The following SLC8A1 variants were observed in gnomAD, a reference collection of about 807,000 sequenced individuals.
SLC8A1 encodes the protein sodium/calcium exchanger 1.
SLC8A1 carries 18 observed loss-of-function variants against 68.3 expected under a neutral mutation model. The ratio of observed to expected loss-of-function variants is 0.26; its 90% CI spans 0.18 to 0.39. The LOEUF is 0.39. SLC8A1 is among the 10% of genes least tolerant of loss of function. The probability of loss-of-function intolerance (pLI) is 1.00; values close to 1 mark genes in which losing one functional copy is unlikely to be tolerated. For missense variants in SLC8A1, 985 were observed against 1,156.7 expected, an observed-to-expected ratio of 0.85 and a Z score of 2.15; for synonymous variants, 475 against 415.5, an observed-to-expected ratio of 1.14 and a Z score of -1.74.
chr2:40,489,855 A>G (rs1443474854), intron 1 of SLC8A1, among the ~76,000 whole-genome samples: 1 of 151,930 alleles, frequency 6.6e-6, no homozygotes, highest in African/African-American at 2.4e-5. Context: ...TAGCCAATAA[A>G]ACACTTTTCT....
intron 2 of SLC8A1, among the ~76,000 whole-genome samples, chr2:40,348,121 A>C (rs1420455346): frequency 6.6e-6 from 1 of 152,166 alleles, no homozygotes; most frequent in African/African-American, 2.4e-5. Context: ...AAATGTTTTC[A>C]AGGGCTGGAA....
At chr2:40,179,806 A>T (rs1051063744) in intron 2 of SLC8A1, among the ~76,000 whole-genome samples, 2 of 152,180 alleles carry the variant, frequency 1.3e-5, no homozygotes, top group African/African-American at 2.4e-5. Context: ...TCCTAATATG[A>T]AGGAGTCATA....
chr2:40,146,694 A>C (rs451647), intron 6 of SLC8A1, among the ~76,000 whole-genome samples: 148,126 of 151,950 alleles, frequency 0.97, 72,336 homozygotes, highest in South Asian at 1. Flanking sequence ...ACCTAGATCC[A>C]TCACATTGGA....
rs427629 is a variant in SLC8A1, at chr2:40,181,536, A to G, written c.1809-3681T>C. On this transcript the variant is annotated intron_variant, in intron 2 of 7. Coordinates refer to ENST00000406785, the Ensembl canonical transcript of SLC8A1. ...GGCATATCATTTCAAAATCATTAGT[A>G]ATGGAATCAATAATGCTCCTGACAG... Among the ~76,000 whole-genome samples, 74 of 152,316 alleles carry G rather than the reference A, an allele frequency of 4.9e-4. 2 individuals are homozygous for G. In the East Asian group the frequency reaches 0.013, roughly 27 times the overall value.
chr2:40,462,610 C>T, intron 1 of SLC8A1, among the ~76,000 whole-genome samples: 1 of 151,502 alleles, frequency 6.6e-6, no homozygotes, highest in Non-Finnish European at 1.5e-5. Context: ...GAGTTCGAGA[C>T]CAGCCTGAGC....
intron 2 of SLC8A1, among the ~76,000 whole-genome samples, chr2:40,407,133 C>T (rs2149683098): frequency 6.6e-6 from 1 of 152,244 alleles, no homozygotes; most frequent in South Asian, 2.1e-4. Flanking sequence ...GTGGTGCGAT[C>T]CCAGCTCACT....
In SLC8A1 at chr2:40,457,200, G is replaced by C. The variant is rs556941712; in HGVS notation, c.-24-26896C>G. Among the ~76,000 whole-genome samples, 4 of 152,208 alleles carry C rather than the reference G, an allele frequency of 2.6e-5. No individual in the cohort carries two copies. The East Asian group carries it at 7.7e-4, about 29-fold the overall frequency. On this transcript the variant is annotated intron_variant, in intron 1 of 7. Coordinates refer to the SLC8A1 transcript ENST00000402441. ...TGTAGGGCGTAAACTTCTTCACTAA[G>C]TTTACACAACACACTTTCCTCAACA...
intron 1 of SLC8A1, among the ~76,000 whole-genome samples, chr2:40,464,603 G>A (rs1048139569): frequency 6.6e-6 from 1 of 152,158 alleles, no homozygotes; most frequent in Non-Finnish European, 1.5e-5. Flanking sequence ...CCCTAGAGTT[G>A]GTGAAAGACT....
At chr2:40,402,950 C>A (rs922267942) in intron 2 of SLC8A1, among the ~76,000 whole-genome samples, 6 of 152,166 alleles carry the variant, frequency 3.9e-5, no homozygotes, top group African/African-American at 1.4e-4. Flanking sequence ...TGTTCCAGAG[C>A]TGATCCACAG....
At chr2:40,275,262 C>A (rs923592055) in intron 2 of SLC8A1, among the ~76,000 whole-genome samples, 1 of 152,118 alleles carries the variant, frequency 6.6e-6, no homozygotes, top group Non-Finnish European at 1.5e-5. Context: ...CATGAGGCAC[C>A]TACAGGACAG....
intron 1 of SLC8A1, among the ~76,000 whole-genome samples, chr2:40,477,742 AGTGT>A (rs1704379402): frequency 6.6e-6 from 1 of 152,028 alleles, no homozygotes; most frequent in Non-Finnish European, 1.5e-5. Context: ...GCCTGTGCGT[AGTGT>A]GTATGTGTGT....
intron 2 of SLC8A1, among the ~76,000 whole-genome samples, chr2:40,288,582 C>T (rs965579974): frequency 1.3e-5 from 2 of 151,994 alleles, no homozygotes; most frequent in Non-Finnish European, 2.9e-5. Context: ...GCAGCCAGTT[C>T]ATCCTGGGAG....
chr2:40,386,546 AT>A (rs1683600427), intron 2 of SLC8A1, among the ~76,000 whole-genome samples: 1 of 148,280 alleles, frequency 6.7e-6, no homozygotes. Context: ...AAAAGAGATA[AT>A]GAATAATGGG....
intron 2 of SLC8A1, among the ~76,000 whole-genome samples, chr2:40,425,308 TA>T (rs1696560168): frequency 6.6e-6 from 1 of 150,972 alleles, no homozygotes; most frequent in Non-Finnish European, 1.5e-5. Context: ...TAGACATTTT[TA>T]TATTATAAAT....
chr2:40,415,111 G>C (rs1210234915), intron 2 of SLC8A1, among the ~76,000 whole-genome samples: 1 of 152,172 alleles, frequency 6.6e-6, no homozygotes, highest in Non-Finnish European at 1.5e-5. Flanking sequence ...ATAAGGCACA[G>C]TATAGTAGTA....
chr2:40,316,193 A>G (rs968881041), intron 2 of SLC8A1, among the ~76,000 whole-genome samples: 1 of 152,094 alleles, frequency 6.6e-6, no homozygotes, highest in Admixed American at 6.6e-5. Flanking sequence ...TTGGTTTATA[A>G]GCCTGGATCC....
At chr2:40,271,224 TCACGTCCCCTCCCACTCCTCTCC>T in intron 2 of SLC8A1, among the ~76,000 whole-genome samples, 1 of 151,546 alleles carries the variant, frequency 6.6e-6, no homozygotes, top group East Asian at 1.9e-4. Flanking sequence ...TACTCCTCTC[TCACGTCCCCTCCCACTCCTCTCC>T]CACCTCCCCT....
At chr2:40,122,565 A>G (rs1481926234) in intron 7 of SLC8A1, among the ~76,000 whole-genome samples, 1 of 152,194 alleles carries the variant, frequency 6.6e-6, no homozygotes, top group Non-Finnish European at 1.5e-5. Context: ...AGTCAGCAGG[A>G]CAACTTTTGA....
intron 2 of SLC8A1, among the ~76,000 whole-genome samples, chr2:40,337,031 T>G (rs1037510412): frequency 6.6e-6 from 1 of 152,192 alleles, no homozygotes; most frequent in Non-Finnish European, 1.5e-5. Context: ...TGAACCTCTT[T>G]GTAATGCACT....
Sources: allele counts gnomAD v4.1 joint callset (sites outside exome capture counted in the v4.1 genomes callset), GRCh38; gene constraint gnomAD v4.1.1; transcripts MANE v1.5; gene names NCBI Gene and HGNC (gene_info 2026-07-23, HGNC 2026-07-21).